The following CSMD1 variants were observed in gnomAD, a reference collection of about 807,000 sequenced individuals.
CSMD1 encodes the protein CUB and sushi domain-containing protein 1.
A neutral mutation model predicts 417.5 loss-of-function variants in CSMD1; 213 were observed. That is an observed-to-expected ratio of 0.51 (90% CI 0.46 to 0.57). The LOEUF (loss-of-function observed/expected upper bound fraction) is 0.57. CSMD1 is among the 20% of genes least tolerant of loss of function. The pLI is 0.00. For missense variants in CSMD1, 6,923 were observed against 4,529.7 expected (o/e 1.53, Z -15.17); for synonymous variants, 2,862 against 1,736.8 (o/e 1.65, Z -16.11).
intron 49 of CSMD1, among the ~76,000 whole-genome samples, chr8:3,054,825 A>C (rs1321837088): frequency 6.6e-6 from 1 of 152,246 alleles, no homozygotes; most frequent in Non-Finnish European, 1.5e-5. Context: ...ATTTCAAATA[A>C]TAAATAATCA....
intron 5 of CSMD1, among the ~76,000 whole-genome samples, chr8:3,793,792 C>A (rs1799884458): frequency 1.3e-5 from 2 of 152,146 alleles, no homozygotes; most frequent in Admixed American, 1.3e-4. Context: ...TTGCCTTCTA[C>A]CTCCTTTTAT....
At chr8:4,007,896 G>A (rs1005058978) in intron 4 of CSMD1, among the ~76,000 whole-genome samples, 3 of 151,486 alleles carry the variant, frequency 2.0e-5, no homozygotes, top group Non-Finnish European at 2.9e-5. Flanking sequence ...TCTTAAGAAT[G>A]AGTGTTAAAA....
At chr8:3,330,963 C>G (rs762183526) in intron 23 of CSMD1, among the ~76,000 whole-genome samples, 1 of 151,992 alleles carries the variant, frequency 6.6e-6, no homozygotes, top group African/African-American at 2.4e-5. Flanking sequence ...AAAAGAAAAG[C>G]AACAGTGCCG....
At chr8:3,556,866 G>C (rs139284290) in intron 10 of CSMD1, among the ~76,000 whole-genome samples, 2 of 152,168 alleles carry the variant, frequency 1.3e-5, no homozygotes, top group Non-Finnish European at 2.9e-5. Flanking sequence ...ACAGATCTCA[G>C]CACACTTCGT....
rs527674129 is a variant in CSMD1, at chr8:2,966,627, T to A, written c.9043A>T (p.Met3015Leu). 1 of 1,613,788 alleles carries A rather than the reference T, an allele frequency of 6.2e-7. No individual in the cohort carries two copies. The highest frequency in any genetic ancestry group is 2.2e-5 in the East Asian group (1 of 44,830). Residue 3015 changes from methionine to leucine, a missense_variant, in exon 58 of 70, where the codon ATG becomes TTG. Transcript: ENST00000635120. ...CWEGYKTSGL[M>L]TRHCTANGTW... ...CCATTGGCTGTGCAATGCCGTGTCA[T>A]GAGCCCTGAGGTCTTGTAGCCTTCC...
intron 37 of CSMD1, among the ~76,000 whole-genome samples, chr8:3,174,674 T>C (rs1363036491): frequency 6.6e-6 from 1 of 152,202 alleles, no homozygotes; most frequent in African/African-American, 2.4e-5. Context: ...TACCATTTCC[T>C]TTTATGATTT....
chr8:4,003,574 G>A (rs192472223), intron 4 of CSMD1, among the ~76,000 whole-genome samples: 109 of 152,204 alleles, frequency 7.2e-4, no homozygotes, highest in African/African-American at 2.6e-3. Context: ...TTCTTATTAT[G>A]ATAGGCATTC....
At chr8:4,045,771 A>G (rs1281877762) in intron 3 of CSMD1, among the ~76,000 whole-genome samples, 1 of 152,210 alleles carries the variant, frequency 6.6e-6, no homozygotes, top group Non-Finnish European at 1.5e-5. Flanking sequence ...AGACTAAATT[A>G]CACACTTTAA....
intron 35 of CSMD1, among the ~76,000 whole-genome samples, chr8:3,188,236 A>G (rs1265815158): frequency 2.3e-5 from 1 of 43,814 alleles, no homozygotes; most frequent in Non-Finnish European, 4.7e-5. Flanking sequence ...CTATATATAC[A>G]TGGCAAAATT....
At chr8:3,258,689 C>T (rs1476047251) in intron 26 of CSMD1, among the ~76,000 whole-genome samples, 1 of 152,168 alleles carries the variant, frequency 6.6e-6, no homozygotes, top group Non-Finnish European at 1.5e-5. Context: ...ATGGAAGCAA[C>T]CTAAATGCCC....
chr8:4,260,143 C>G lies in CSMD1; in HGVS notation c.415+159810G>C, dbSNP rs139707966. On this transcript the variant is annotated intron_variant, in intron 3 of 69. Coordinates refer to ENST00000635120, the MANE Select transcript of CSMD1 (RefSeq NM_033225.6). ...TTGCTAAGTCAATGCACCTGATCTA[C>G]AGTGGCTAAGTCCCATCAGGTGGCA... Among the ~76,000 whole-genome samples, 113 of 152,230 alleles carry G rather than the reference C, an allele frequency of 7.4e-4. 1 individual carries two copies. The highest frequency in any genetic ancestry group is 3.4e-3 in the Middle Eastern group (1 of 294).
chr8:3,861,441 A>C (rs1804703047), intron 5 of CSMD1, among the ~76,000 whole-genome samples: 1 of 152,210 alleles, frequency 6.6e-6, no homozygotes, highest in Non-Finnish European at 1.5e-5. Context: ...TGGGGGTACT[A>C]TGAATGAACA....
At chr8:3,979,377 G>A (rs567462701) in intron 5 of CSMD1, among the ~76,000 whole-genome samples, 2 of 152,300 alleles carry the variant, frequency 1.3e-5, no homozygotes, top group South Asian at 4.1e-4. Flanking sequence ...AAGGACAGCT[G>A]GAGGAGACAT....
In CSMD1 at chr8:3,594,399, T is replaced by G. The variant is rs372010636; in HGVS notation, c.1098-8139A>C. Among the ~76,000 whole-genome samples the G allele has an allele frequency of 9.2e-5, 14 of 152,140 alleles. No homozygotes were observed. The South Asian group carries it at 2.7e-3, about 29-fold the overall frequency. Reference sequence around the variant, plus strand: ...GAAATTTGGGTTACGTCTTGAAAGATGCATAGAATGTATTTTTTTTTTCCA... The same window carrying G: ...GAAATTTGGGTTACGTCTTGAAAGAGGCATAGAATGTATTTTTTTTTTCCA... On this transcript the variant is annotated intron_variant, in intron 8 of 69. Transcript: ENST00000635120.
intron 1 of CSMD1, among the ~76,000 whole-genome samples, chr8:4,691,638 T>C (rs1196682113): frequency 6.6e-6 from 1 of 152,236 alleles, no homozygotes; most frequent in Admixed American, 6.5e-5. Context: ...CATCTATGCC[T>C]GTCATGTCTG....
intron 5 of CSMD1, among the ~76,000 whole-genome samples, chr8:3,951,108 T>G (rs539190166): frequency 2.6e-5 from 4 of 152,232 alleles, no homozygotes; most frequent in Admixed American, 2.0e-4. Context: ...AAAGAATATA[T>G]CTACATTTAT....
chr8:3,864,469 G>T (rs1377621307), intron 5 of CSMD1, among the ~76,000 whole-genome samples: 1 of 152,140 alleles, frequency 6.6e-6, no homozygotes, highest in African/African-American at 2.4e-5. Flanking sequence ...GAGGGAGGAA[G>T]ACACTTTTTT....
chr8:3,882,267 A>C (rs1389063196), intron 5 of CSMD1, among the ~76,000 whole-genome samples: 1 of 152,190 alleles, frequency 6.6e-6, no homozygotes, highest in Non-Finnish European at 1.5e-5. Context: ...AGAAAAAGAC[A>C]CCAAATCATC....
At chr8:3,812,657 G>T (rs115327614) in intron 5 of CSMD1, among the ~76,000 whole-genome samples, 3 of 152,126 alleles carry the variant, frequency 2.0e-5, no homozygotes, top group African/African-American at 7.2e-5. Context: ...ACAGTAAAGA[G>T]GAATTAAGGA....
Sources: allele counts gnomAD v4.1 joint callset (sites outside exome capture counted in the v4.1 genomes callset), GRCh38; gene constraint gnomAD v4.1.1; transcripts MANE v1.5; gene names NCBI Gene and HGNC (gene_info 2026-07-23, HGNC 2026-07-21).